Variants in GRID2 observed in about 807,000 individuals in gnomAD.
The protein encoded by GRID2 is glutamate ionotropic receptor delta type subunit 2.
Under a neutral mutation model 114.8 loss-of-function variants are expected in GRID2, and 33 were observed. The observed-to-expected ratio is 0.29, with a 90% CI of 0.22 to 0.38. The LOEUF (loss-of-function observed/expected upper bound fraction) is 0.38. Ranked by LOEUF, GRID2 falls within the 10% of genes least tolerant of loss-of-function variation. The probability of loss-of-function intolerance (pLI) is 1.00; values close to 1 mark genes in which losing one functional copy is unlikely to be tolerated. For missense variants in GRID2, 1,184 were observed against 1,257.7 expected (o/e 0.94, Z 0.89); for synonymous variants, 505 against 449.9 (o/e 1.12, Z -1.55).
chr4:92,757,841 C>T (rs137891127), intron 2 of GRID2, among the ~76,000 whole-genome samples: 352 of 146,308 alleles, frequency 2.4e-3, no homozygotes, highest in African/African-American at 7.2e-3. Flanking sequence ...TTACTTAAAA[C>T]GATGTTAAAA....
intron 2 of GRID2, among the ~76,000 whole-genome samples, chr4:92,886,354 G>A (rs1248648948): frequency 1.3e-5 from 2 of 152,010 alleles, no homozygotes; most frequent in Non-Finnish European, 2.9e-5. Context: ...CACCAAATGT[G>A]ACACAAAAAC....
In GRID2 at chr4:93,397,809, A is replaced by T. The variant is rs115178835; in HGVS notation, c.1347+2101A>T. On this transcript the variant is annotated intron_variant, in intron 9 of 15. Coordinates refer to ENST00000282020, the MANE Select transcript of GRID2 (RefSeq NM_001510.4). ...TCTCATATGCTTTAAAGCATTTTAGATTACTCTTAATACCTAATACAGTGT... is the reference window on the plus strand; with the variant it reads ...TCTCATATGCTTTAAAGCATTTTAGTTTACTCTTAATACCTAATACAGTGT... 2.9e-3 allele frequency among the ~76,000 whole-genome samples: 441 copies of T among 152,070 alleles called. 3 individuals are homozygous for T. Among genetic ancestry groups the T allele is most frequent in the African/African-American group, 0.01 (421 of 41,522 alleles).
chr4:93,379,650 G>A lies in GRID2; in HGVS notation c.1246-15957G>A, dbSNP rs574464276. Reference sequence around the variant, plus strand: ...GAATCAGAATGACTTATGAATGGTCGATTGCATACAAAAGTGCTGGAGATA... The same window carrying A: ...GAATCAGAATGACTTATGAATGGTCAATTGCATACAAAAGTGCTGGAGATA... On this transcript the variant is annotated intron_variant, in intron 8 of 15. Coordinates refer to ENST00000282020, the MANE Select transcript of GRID2 (RefSeq NM_001510.4). Among the ~76,000 whole-genome samples, 6 of 152,146 alleles carry A rather than the reference G, an allele frequency of 3.9e-5. No homozygotes were observed. The East Asian group carries it at 5.8e-4, about 15-fold the overall frequency.
chr4:92,894,127 A>G (rs898991918), intron 2 of GRID2, among the ~76,000 whole-genome samples: 1 of 152,196 alleles, frequency 6.6e-6, no homozygotes, highest in Non-Finnish European at 1.5e-5. Context: ...CATTTAACAA[A>G]AACATACATT....
chr4:93,470,228 G>A (rs564526693), intron 11 of GRID2, among the ~76,000 whole-genome samples: 50 of 152,128 alleles, frequency 3.3e-4, no homozygotes, highest in African/African-American at 9.9e-4. Context: ...CTTTTAAGTC[G>A]GAATGAGTAA....
chr4:93,550,563 T>C (rs1232954802), intron 13 of GRID2, among the ~76,000 whole-genome samples: 1 of 152,250 alleles, frequency 6.6e-6, no homozygotes, highest in Non-Finnish European at 1.5e-5. Context: ...TTCTTCCTTC[T>C]GAAGGCATTC....
intron 2 of GRID2, among the ~76,000 whole-genome samples, chr4:93,028,178 G>A (rs1414497416): frequency 6.6e-6 from 1 of 152,142 alleles, no homozygotes; most frequent in African/African-American, 2.4e-5. Context: ...AGCTCTTGAA[G>A]CTTATAATGC....
intron 2 of GRID2, among the ~76,000 whole-genome samples, chr4:92,805,490 G>A (rs994990499): frequency 1.3e-5 from 2 of 151,922 alleles, no homozygotes; most frequent in Non-Finnish European, 2.9e-5. Flanking sequence ...TTCATTTGAG[G>A]TACTTTTTAC....
At chr4:92,998,790 T>G (rs1281602358) in intron 2 of GRID2, among the ~76,000 whole-genome samples, 1 of 151,740 alleles carries the variant, frequency 6.6e-6, no homozygotes, top group Non-Finnish European at 1.5e-5. Flanking sequence ...TTTAAAAATT[T>G]GATGGCGTTT....
intron 14 of GRID2, among the ~76,000 whole-genome samples, chr4:93,698,329 A>T (rs1727224630): frequency 6.6e-6 from 1 of 152,088 alleles, no homozygotes; most frequent in Non-Finnish European, 1.5e-5. Context: ...AACATTTAAC[A>T]GATCAACAAA....
chr4:93,543,003 T>C (rs931135360), intron 13 of GRID2, among the ~76,000 whole-genome samples: 3 of 152,192 alleles, frequency 2.0e-5, no homozygotes, highest in African/African-American at 7.2e-5. Context: ...CACACTCATT[T>C]CTACCTCAAG....
chr4:93,018,223 A>G (rs940386804), intron 2 of GRID2, among the ~76,000 whole-genome samples: 14 of 21,694 alleles, frequency 6.5e-4, no homozygotes, highest in African/African-American at 6.4e-3. Context: ...TATTTTGTTG[A>G]AAAAAAAAAA....
intron 2 of GRID2, among the ~76,000 whole-genome samples, chr4:92,692,831 TGGCCAACATGGCG>T: frequency 1.3e-5 from 2 of 152,186 alleles, no homozygotes; most frequent in East Asian, 3.9e-4. Flanking sequence ...CAGACCAGCC[TGGCCAACATGGCG>T]AAACCCCATC....
At chr4:92,976,196 A>T (rs2149179938) in intron 2 of GRID2, among the ~76,000 whole-genome samples, 1 of 152,274 alleles carries the variant, frequency 6.6e-6, no homozygotes, top group African/African-American at 2.4e-5. Context: ...AAGTAAAAAT[A>T]AAAATTAACT....
intron 2 of GRID2, among the ~76,000 whole-genome samples, chr4:92,701,198 T>G (rs1258250330): frequency 6.6e-6 from 1 of 152,144 alleles, no homozygotes; most frequent in Non-Finnish European, 1.5e-5. Flanking sequence ...TTAAATGAGA[T>G]AATTCGTAGT....
intron 2 of GRID2, among the ~76,000 whole-genome samples, chr4:93,045,773 G>A (rs986510937): frequency 2.0e-5 from 3 of 152,028 alleles, no homozygotes; most frequent in Admixed American, 6.6e-5. Flanking sequence ...TTGATAATAC[G>A]AAACTTTATT....
rs141198827 is a variant in GRID2, at chr4:93,636,944, T to C, written c.2360+10509T>C. Among the ~76,000 whole-genome samples the C allele has an allele frequency of 9.7e-3, 1,472 of 152,284 alleles. 11 individuals are homozygous for C. The highest frequency in any genetic ancestry group is 0.015 in the Non-Finnish European group (1,013 of 68,010). ...CCTGCCCTGTTCTGCCAGTTCCTTT[T>C]GTTTAAAAAAGTCAGTTTTTATCCC... On this transcript the variant is annotated intron_variant, in intron 14 of 15. Transcript: ENST00000282020.
intron 2 of GRID2, among the ~76,000 whole-genome samples, chr4:93,023,015 A>G (rs1324662213): frequency 1.3e-5 from 2 of 151,938 alleles, no homozygotes; most frequent in Non-Finnish European, 2.9e-5. Context: ...GACATTGTTT[A>G]TGTATAAATA....
At position 92,728,406 on chromosome 4, in the gene GRID2, A is replaced by C. The variant is rs369369982; in HGVS notation, c.244+138120A>C. Among the ~76,000 whole-genome samples, 3 of 152,114 alleles carry C rather than the reference A, an allele frequency of 2.0e-5. No individual in the cohort carries two copies. The South Asian group carries it at 6.2e-4, about 31-fold the overall frequency. ...AAGTGGTTTCATCTGAAGGTTTCACAGGGCATGTGGGAAATTGGAGATCTA... is the reference window on the plus strand; with the variant it reads ...AAGTGGTTTCATCTGAAGGTTTCACCGGGCATGTGGGAAATTGGAGATCTA... On this transcript the variant is annotated intron_variant, in intron 2 of 15. Coordinates refer to ENST00000282020, the MANE Select transcript of GRID2 (RefSeq NM_001510.4).
Sources: allele counts gnomAD v4.1 joint callset (sites outside exome capture counted in the v4.1 genomes callset), GRCh38; gene constraint gnomAD v4.1.1; transcripts MANE v1.5; gene names NCBI Gene and HGNC (gene_info 2026-07-23, HGNC 2026-07-21).